Variants in RSPO2 observed in about 807,000 individuals in gnomAD.
RSPO2 encodes R-spondin-2.
A neutral mutation model predicts 30.9 loss-of-function variants in RSPO2; 14 were observed. That is an observed-to-expected ratio of 0.45 (90% CI 0.30 to 0.71). The LOEUF (loss-of-function observed/expected upper bound fraction) is 0.71. Among genes scored for constraint, RSPO2 ranks in the 30% least tolerant of loss-of-function variants. RSPO2 has a pLI of 0.08. For synonymous variants in RSPO2, 107 were observed against 96.4 expected (o/e 1.11, Z -0.64); for missense variants, 264 against 301.9 (o/e 0.87, Z 0.93).
intron 5 of RSPO2, among the ~76,000 whole-genome samples, chr8:107,908,583 T>A (rs1429240854): frequency 1.3e-5 from 2 of 152,154 alleles, no homozygotes; most frequent in Non-Finnish European, 2.9e-5. Context: ...TTTAAAACAA[T>A]GTACAGGGCA....
intron 2 of RSPO2, among the ~76,000 whole-genome samples, chr8:108,014,579 C>A (rs1352089149): frequency 2.6e-5 from 4 of 151,800 alleles, no homozygotes; most frequent in African/African-American, 9.7e-5. Context: ...TCATTCTCAG[C>A]AAATTAACAC....
rs749032195 is a variant in RSPO2, at chr8:107,989,038, A to G, written c.283+18T>C. 2 of 1,585,438 alleles carry G rather than the reference A, an allele frequency of 1.3e-6. No individual in the cohort carries two copies. Among genetic ancestry groups the G allele is most frequent in the African/African-American group, 1.4e-5 (1 of 73,116 alleles). On this transcript the variant is annotated intron_variant, in intron 3 of 5. Coordinates refer to ENST00000276659, the MANE Select transcript of RSPO2 (RefSeq NM_178565.5). ...TTGCATATCCAGCAATACAGGATAG[A>G]CAAAACCAAATGCTCACTTGCACAT...
At chr8:107,934,834 A>C (rs189991514) in intron 5 of RSPO2, among the ~76,000 whole-genome samples, 17 of 152,322 alleles carry the variant, frequency 1.1e-4, no homozygotes, top group African/African-American at 3.6e-4. Flanking sequence ...TAAATTGTGA[A>C]GATTTCATGG....
intron 2 of RSPO2, among the ~76,000 whole-genome samples, chr8:108,033,968 T>A (rs1405834798): frequency 6.6e-6 from 1 of 152,194 alleles, no homozygotes; most frequent in Non-Finnish European, 1.5e-5. Flanking sequence ...AAACAGTAAT[T>A]GCAGGACTAA....
chr8:107,968,097 T>C (rs1466513188), intron 3 of RSPO2, among the ~76,000 whole-genome samples: 1 of 152,160 alleles, frequency 6.6e-6, no homozygotes, highest in Non-Finnish European at 1.5e-5. Context: ...GCTGAGTATA[T>C]ATCCAAAAGA....
intron 2 of RSPO2, among the ~76,000 whole-genome samples, chr8:108,061,441 C>G (rs7840755): frequency 0.3 from 45,053 of 151,418 alleles, 7,655 homozygotes; most frequent in African/African-American, 0.45. Flanking sequence ...ACAAAGAAGG[C>G]CATTACATCA....
intron 2 of RSPO2, among the ~76,000 whole-genome samples, chr8:108,004,907 A>T (rs1586620465): frequency 6.6e-6 from 1 of 152,202 alleles, no homozygotes; most frequent in East Asian, 1.9e-4. Flanking sequence ...CTCTATAATT[A>T]TGCCAACAAT....
chr8:108,075,960 A>T (rs898737609), intron 2 of RSPO2, among the ~76,000 whole-genome samples: 4 of 152,234 alleles, frequency 2.6e-5, no homozygotes, highest in African/African-American at 9.6e-5. Flanking sequence ...GAAGCTTAAA[A>T]TATGATGATA....
At chr8:107,936,215 G>A (rs906723247) in intron 5 of RSPO2, among the ~76,000 whole-genome samples, 1 of 151,856 alleles carries the variant, frequency 6.6e-6, no homozygotes, top group African/African-American at 2.4e-5. Context: ...TTCTGTGCCT[G>A]GCTTATTTTA....
intron 2 of RSPO2, among the ~76,000 whole-genome samples, chr8:108,011,148 A>AAAAAAAAAAAG (rs1554581784): frequency 7.1e-6 from 1 of 140,482 alleles, no homozygotes; most frequent in Non-Finnish European, 1.5e-5. Context: ...AAAAAAAAAA[A>AAAAAAAAAAAG]AAAGAAAGAA....
chr8:108,019,669 A>AT (rs1394442373), intron 2 of RSPO2, among the ~76,000 whole-genome samples: 1 of 151,816 alleles, frequency 6.6e-6, no homozygotes, highest in Non-Finnish European at 1.5e-5. Flanking sequence ...TTCTCTTTTT[A>AT]TTTTTTTCGT....
chr8:108,013,612 A>G (rs1302782342), intron 2 of RSPO2, among the ~76,000 whole-genome samples: 3 of 152,248 alleles, frequency 2.0e-5, no homozygotes, highest in Non-Finnish European at 2.9e-5. Context: ...AGGATTCCCT[A>G]TTTCATAAAT....
At chr8:108,018,793 G>C (rs1259119856) in intron 2 of RSPO2, among the ~76,000 whole-genome samples, 11 of 152,062 alleles carry the variant, frequency 7.2e-5, no homozygotes, top group Admixed American at 4.6e-4. Context: ...ATAGTTAAAA[G>C]TGCCAGTACT....
At chr8:108,066,876 A>G (rs1467107095) in intron 2 of RSPO2, among the ~76,000 whole-genome samples, 1 of 152,194 alleles carries the variant, frequency 6.6e-6, no homozygotes, top group East Asian at 1.9e-4. Flanking sequence ...TCTCAGCATG[A>G]CTAAGAATGG....
intron 2 of RSPO2, among the ~76,000 whole-genome samples, chr8:108,072,016 CAT>C (rs1405666873): frequency 6.6e-6 from 1 of 152,028 alleles, no homozygotes; most frequent in Non-Finnish European, 1.5e-5. Flanking sequence ...TGACAGATAC[CAT>C]AGTTACCCCC....
chr8:107,949,155 C>T (rs537314843), intron 5 of RSPO2, among the ~76,000 whole-genome samples: 2 of 151,944 alleles, frequency 1.3e-5, no homozygotes, highest in East Asian at 3.9e-4. Flanking sequence ...GTCTTTTATC[C>T]CTCACCCCCT....
chr8:108,074,017 T>C (rs1423435036), intron 2 of RSPO2, among the ~76,000 whole-genome samples: 1 of 152,202 alleles, frequency 6.6e-6, no homozygotes, highest in Admixed American at 6.5e-5. Context: ...TTTGAGACTT[T>C]AGTGAAAGCT....
At chr8:108,025,566 T>C (rs1223015585) in intron 2 of RSPO2, among the ~76,000 whole-genome samples, 1 of 152,188 alleles carries the variant, frequency 6.6e-6, no homozygotes, top group Admixed American at 6.5e-5. Flanking sequence ...ATTCTGTCCC[T>C]GTGGCTGGAG....
intron 3 of RSPO2, among the ~76,000 whole-genome samples, chr8:107,984,189 G>C (rs190641740): frequency 1.3e-5 from 2 of 152,308 alleles, no homozygotes; most frequent in African/African-American, 4.8e-5. Flanking sequence ...CTTGGCAGAC[G>C]CTAAACTCAT....
Sources: allele counts gnomAD v4.1 joint callset (sites outside exome capture counted in the v4.1 genomes callset), GRCh38; gene constraint gnomAD v4.1.1; transcripts MANE v1.5; gene names NCBI Gene and HGNC (gene_info 2026-07-23, HGNC 2026-07-21).